Variants in GALNT13 observed in about 807,000 individuals in gnomAD.
GALNT13 encodes polypeptide N-acetylgalactosaminyltransferase 13, also known as UDP-GalNAc:polypeptide N-acetylgalactosaminyltransferase 13.
In GALNT13, 28 loss-of-function variants were observed where a neutral mutation model predicts 64.2. That is an observed-to-expected ratio of 0.44 (90% CI 0.32 to 0.60). GALNT13 has a LOEUF of 0.60. GALNT13 is among the 20% of genes least tolerant of loss of function. GALNT13 has a pLI of 0.05. For missense variants in GALNT13, 577 were observed against 669.8 expected, an observed-to-expected ratio of 0.86 and a Z score of 1.53; for synonymous variants, 214 against 224.6, an observed-to-expected ratio of 0.95 and a Z score of 0.42.
At chr2:153,646,717 G>T in the GALNT13 span, among the ~76,000 whole-genome samples, 1 of 152,002 alleles carries the variant, frequency 6.6e-6, no homozygotes, top group Non-Finnish European at 1.5e-5. Context: ...GCGGTGTTTG[G>T]TTTTTTCGTC....
At chr2:153,201,954 C>G in the GALNT13 span, among the ~76,000 whole-genome samples, 9 of 150,692 alleles carry the variant, frequency 6.0e-5, no homozygotes, top group African/African-American at 2.2e-4. Flanking sequence ...CACAGGATGG[C>G]CCCTCTCTCC....
chr2:153,810,292 A>C, the GALNT13 span, among the ~76,000 whole-genome samples: 1 of 152,142 alleles, frequency 6.6e-6, no homozygotes, highest in Non-Finnish European at 1.5e-5. Flanking sequence ...TTTTGACTTG[A>C]AAATCCCCTA....
chr2:153,981,649 G>C lies in GALNT13; in HGVS notation c.142+37010G>C, dbSNP rs147553925. 3.7e-3 allele frequency among the ~76,000 whole-genome samples: 556 copies of C among 152,172 alleles called. 3 individuals are homozygous for C. The highest frequency in any genetic ancestry group is 0.013 in the African/African-American group (533 of 41,516). On this transcript the variant is annotated intron_variant, in intron 3 of 12. Transcript: ENST00000392825. Reference sequence around the variant, plus strand: ...ACATTCGGGTTGTTTCCAAGTCTTTGCTATTGTGAATAGTGCTGCGATATA... The same window carrying C: ...ACATTCGGGTTGTTTCCAAGTCTTTCCTATTGTGAATAGTGCTGCGATATA...
the GALNT13 span, among the ~76,000 whole-genome samples, chr2:153,083,425 T>C: frequency 6.6e-6 from 1 of 152,222 alleles, no homozygotes; most frequent in African/African-American, 2.4e-5. Flanking sequence ...TTTTAAATTA[T>C]GGCTATTCTT....
the GALNT13 span, among the ~76,000 whole-genome samples, chr2:153,096,157 T>G: frequency 3.1e-4 from 47 of 152,330 alleles, no homozygotes; most frequent in African/African-American, 1.1e-3. Flanking sequence ...TTAATTTCCA[T>G]GTACTTGTAT....
chr2:154,435,052 G>C (rs1700889360), intron 11 of GALNT13, among the ~76,000 whole-genome samples: 1 of 152,184 alleles, frequency 6.6e-6, no homozygotes, highest in Non-Finnish European at 1.5e-5. Context: ...CTTAATCAAA[G>C]TGATTAGACT....
the GALNT13 span, among the ~76,000 whole-genome samples, chr2:153,772,445 T>A: frequency 6.6e-6 from 1 of 152,166 alleles, no homozygotes; most frequent in South Asian, 2.1e-4. Context: ...TGCTTCCTCA[T>A]GTACTGGTGC....
chr2:153,550,028 C>T, the GALNT13 span, among the ~76,000 whole-genome samples: 3 of 152,128 alleles, frequency 2.0e-5, no homozygotes, highest in South Asian at 4.1e-4. Flanking sequence ...CAAATGCACA[C>T]CTGATCTTGT....
the GALNT13 span, among the ~76,000 whole-genome samples, chr2:153,843,955 G>C: frequency 6.6e-6 from 1 of 152,216 alleles, no homozygotes; most frequent in South Asian, 2.1e-4. Context: ...CTGTGGCTTT[G>C]CAGGGGCACC....
At chr2:154,253,980 T>TA (rs1690228836) in intron 7 of GALNT13, among the ~76,000 whole-genome samples, 1 of 152,166 alleles carries the variant, frequency 6.6e-6, no homozygotes, top group African/African-American at 2.4e-5. Flanking sequence ...TTCCTTGAGA[T>TA]ACACAGTGAT....
the GALNT13 span, among the ~76,000 whole-genome samples, chr2:153,678,027 A>C: frequency 6.6e-6 from 1 of 151,268 alleles, no homozygotes; most frequent in African/African-American, 2.4e-5. Flanking sequence ...TAATTGACAA[A>C]TGGTAACTAA....
At chr2:154,022,681 G>A (rs1412831842) in intron 3 of GALNT13, among the ~76,000 whole-genome samples, 2 of 152,082 alleles carry the variant, frequency 1.3e-5, no homozygotes, top group Non-Finnish European at 1.5e-5. Context: ...AGGGCTTTTT[G>A]TGTCTCTATT....
At chr2:153,987,258 G>A (rs1278235844) in intron 3 of GALNT13, among the ~76,000 whole-genome samples, 1 of 151,850 alleles carries the variant, frequency 6.6e-6, no homozygotes, top group Non-Finnish European at 1.5e-5. Flanking sequence ...AAGAAGAATT[G>A]GCTGGGAGTA....
chr2:153,838,053 T>C, the GALNT13 span, among the ~76,000 whole-genome samples: 2 of 152,070 alleles, frequency 1.3e-5, no homozygotes, highest in Admixed American at 6.6e-5. Context: ...TGGACATTTG[T>C]ATATCTTCTT....
chr2:154,158,000 G>T (rs1684522186), intron 4 of GALNT13, among the ~76,000 whole-genome samples: 1 of 152,062 alleles, frequency 6.6e-6, no homozygotes, highest in African/African-American at 2.4e-5. Flanking sequence ...ATGTCCTAAG[G>T]GTAAGGCCTA....
intron 3 of GALNT13, among the ~76,000 whole-genome samples, chr2:154,104,524 C>T (rs752260317): frequency 1.6e-4 from 24 of 152,278 alleles, no homozygotes; most frequent in Non-Finnish European, 2.8e-4. Context: ...GAGGGGGTGA[C>T]CCTCCTTCAC....
the GALNT13 span, among the ~76,000 whole-genome samples, chr2:153,403,896 G>A: frequency 6.6e-6 from 1 of 152,172 alleles, no homozygotes; most frequent in African/African-American, 2.4e-5. Context: ...CTTCTGCGTC[G>A]CTCACACTGG....
chr2:153,403,186 C>A, the GALNT13 span, among the ~76,000 whole-genome samples: 6 of 150,058 alleles, frequency 4.0e-5, no homozygotes, highest in African/African-American at 1.5e-4. Flanking sequence ...AGTACCCTGC[C>A]GTGTGAGGTG....
intron 3 of GALNT13, among the ~76,000 whole-genome samples, chr2:154,042,814 A>G (rs1349114893): frequency 6.6e-6 from 1 of 151,562 alleles, no homozygotes; most frequent in Non-Finnish European, 1.5e-5. Flanking sequence ...GACTTTATTA[A>G]TTTAAATAAT....
Sources: gnomAD v4.1 joint callset for allele counts (sites outside exome capture counted in the v4.1 genomes callset) on GRCh38, gnomAD v4.1.1 for gene constraint, MANE v1.5 for transcripts, NCBI Gene and HGNC (gene_info 2026-07-23, HGNC 2026-07-21) for gene names.